Variants in DLGAP2 observed in about 807,000 individuals in gnomAD.
The protein encoded by DLGAP2 is disks large-associated protein 2.
A neutral mutation model predicts 100.3 loss-of-function variants in DLGAP2; 26 were observed. The observed-to-expected ratio is 0.26, with a 90% CI of 0.19 to 0.36. The LOEUF is 0.36. Ranked by LOEUF, DLGAP2 falls within the 10% of genes least tolerant of loss-of-function variation. The probability of loss-of-function intolerance (pLI) is 1.00; values close to 1 mark genes in which losing one functional copy is unlikely to be tolerated. For synonymous variants in DLGAP2, 886 were observed against 630.1 expected, an observed-to-expected ratio of 1.41 and a Z score of -6.08; for missense variants, 1,858 against 1,453.2, an observed-to-expected ratio of 1.28 and a Z score of -4.53.
chr8:742,024 T>C (rs1421942326), intron 1 of DLGAP2, among the ~76,000 whole-genome samples: 1 of 152,214 alleles, frequency 6.6e-6, no homozygotes, highest in Non-Finnish European at 1.5e-5. Flanking sequence ...TGTTGGAAGC[T>C]CTGAACTAAG....
At chr8:1,552,218 G>C (rs1266658292) in intron 5 of DLGAP2, among the ~76,000 whole-genome samples, 1 of 152,224 alleles carries the variant, frequency 6.6e-6, no homozygotes, top group Admixed American at 6.5e-5. Flanking sequence ...ACATTGGGAA[G>C]CACTGCCCGG....
chr8:1,073,395 T>G (rs1485990749), intron 2 of DLGAP2, among the ~76,000 whole-genome samples: 1 of 152,186 alleles, frequency 6.6e-6, no homozygotes, highest in African/African-American at 2.4e-5. Flanking sequence ...AAATTTTTTT[T>G]AATGATCATG....
intron 3 of DLGAP2, among the ~76,000 whole-genome samples, chr8:1,325,199 G>A (rs138376912): frequency 3.9e-5 from 6 of 152,276 alleles, no homozygotes; most frequent in African/African-American, 1.4e-4. Context: ...TTCTCAGCGA[G>A]GCTGTCCTGA....
intron 8 of DLGAP2, among the ~76,000 whole-genome samples, chr8:1,663,093 G>A (rs1429289528): frequency 6.9e-6 from 1 of 144,940 alleles, no homozygotes; most frequent in Non-Finnish European, 1.5e-5. Context: ...ACATGTGTGT[G>A]GGGGATGTGT....
intron 1 of DLGAP2, among the ~76,000 whole-genome samples, chr8:825,411 A>G (rs1459963832): frequency 1.3e-5 from 2 of 152,208 alleles, no homozygotes; most frequent in Non-Finnish European, 2.9e-5. Context: ...TGTTCCACAG[A>G]AGCTGGCCTC....
At chr8:742,533 G>C (rs932615547) in intron 1 of DLGAP2, among the ~76,000 whole-genome samples, 1 of 152,192 alleles carries the variant, frequency 6.6e-6, no homozygotes, top group Non-Finnish European at 1.5e-5. Context: ...TTTAGAGACA[G>C]GGTCTCCCTC....
intron 2 of DLGAP2, among the ~76,000 whole-genome samples, chr8:1,066,544 A>T (rs771165494): frequency 4.0e-5 from 6 of 148,914 alleles, no homozygotes; most frequent in African/African-American, 1.5e-4. Context: ...GAGTGAGGGC[A>T]GTTCCCTACC....
intron 2 of DLGAP2, among the ~76,000 whole-genome samples, chr8:1,244,119 G>A (rs542409765): frequency 1.3e-5 from 2 of 152,316 alleles, no homozygotes; most frequent in South Asian, 2.1e-4. Flanking sequence ...GATGGTGAGT[G>A]TCGGATGCTC....
intron 1 of DLGAP2, among the ~76,000 whole-genome samples, chr8:819,407 T>C (rs181367323): frequency 6.6e-6 from 1 of 152,114 alleles, no homozygotes; most frequent in Non-Finnish European, 1.5e-5. Flanking sequence ...ACTCAACAGG[T>C]GCAGGAGTAA....
chr8:1,140,284 T>G (rs372641544), intron 2 of DLGAP2, among the ~76,000 whole-genome samples: 2 of 145,410 alleles, frequency 1.4e-5, no homozygotes, highest in East Asian at 4.4e-4. Flanking sequence ...GCACCTCTGC[T>G]CCTTGGGAGG....
At chr8:1,486,690 T>C (rs1478512343) in intron 3 of DLGAP2, among the ~76,000 whole-genome samples, 3 of 152,224 alleles carry the variant, frequency 2.0e-5, no homozygotes, top group Non-Finnish European at 4.4e-5. Flanking sequence ...TCTTAGCGTT[T>C]CATGCCAAAT....
chr8:1,011,009 A>G (rs1801265134), intron 2 of DLGAP2, among the ~76,000 whole-genome samples: 1 of 150,952 alleles, frequency 6.6e-6, no homozygotes, highest in Admixed American at 6.6e-5. Flanking sequence ...CTCAGTCTAC[A>G]TAGTGAGCCC....
intron 1 of DLGAP2, among the ~76,000 whole-genome samples, chr8:801,153 C>G (rs751691453): frequency 6.6e-6 from 1 of 152,248 alleles, no homozygotes; most frequent in East Asian, 1.9e-4. Flanking sequence ...CTGCGTGTTT[C>G]TCTCTCACTT....
chr8:1,038,055 C>A (rs1480093268), intron 2 of DLGAP2, among the ~76,000 whole-genome samples: 1 of 152,164 alleles, frequency 6.6e-6, no homozygotes, highest in Non-Finnish European at 1.5e-5. Flanking sequence ...AGTTGGACCC[C>A]TTTGTCGTTG....
chr8:866,265 A>C (rs1294115686), intron 1 of DLGAP2, among the ~76,000 whole-genome samples: 2 of 152,084 alleles, frequency 1.3e-5, no homozygotes, highest in African/African-American at 2.4e-5. Flanking sequence ...GGTATCTCTC[A>C]TGGACTCTCT....
At chr8:1,533,301 A>G (rs942876486) in intron 4 of DLGAP2, among the ~76,000 whole-genome samples, 2 of 152,108 alleles carry the variant, frequency 1.3e-5, no homozygotes, top group African/African-American at 2.4e-5. Flanking sequence ...GATCAAGATC[A>G]TCCTGGCTAA....
At chr8:1,361,816 A>T (rs1801988347) in intron 3 of DLGAP2, among the ~76,000 whole-genome samples, 1 of 152,232 alleles carries the variant, frequency 6.6e-6, no homozygotes, top group African/African-American at 2.4e-5. Flanking sequence ...GTCAAATTCT[A>T]AGAGAAACGT....
At chr8:1,023,118 C>T (rs1258246137) in intron 2 of DLGAP2, among the ~76,000 whole-genome samples, 4 of 152,218 alleles carry the variant, frequency 2.6e-5, no homozygotes, top group Admixed American at 1.3e-4. Context: ...CAGGCATTGG[C>T]GTGATGCCGA....
intron 3 of DLGAP2, among the ~76,000 whole-genome samples, chr8:1,431,515 G>T: frequency 6.6e-6 from 1 of 152,358 alleles, no homozygotes; most frequent in African/African-American, 2.4e-5. Flanking sequence ...AAGGAGAAAG[G>T]AAGAGGCAGC....
Sources: gnomAD v4.1 joint callset for allele counts (sites outside exome capture counted in the v4.1 genomes callset) on GRCh38, gnomAD v4.1.1 for gene constraint, MANE v1.5 for transcripts, NCBI Gene and HGNC (gene_info 2026-07-23, HGNC 2026-07-21) for gene names.